Variants in NPEPPS observed in about 807,000 individuals in gnomAD.
NPEPPS encodes the protein aminopeptidase puromycin sensitive.
In NPEPPS, 14 loss-of-function variants were observed where a neutral mutation model predicts 115.5. The ratio of observed to expected loss-of-function variants is 0.12; its 90% CI spans 0.08 to 0.19. The LOEUF (loss-of-function observed/expected upper bound fraction) is 0.19. Among genes scored for constraint, NPEPPS ranks in the 10% least tolerant of loss-of-function variants. The pLI is 1.00. For synonymous variants in NPEPPS, 285 were observed against 390.6 expected (o/e 0.73, Z 3.19); for missense variants, 523 against 1,110.8 (o/e 0.47, Z 7.52).
chr17:47,555,677 A>C (rs1167810791), intron 2 of NPEPPS, among the ~76,000 whole-genome samples: 1 of 151,768 alleles, frequency 6.6e-6, no homozygotes. Flanking sequence ...TGAAGCTGGA[A>C]GAGTTAGTTG....
chr17:47,616,880 G>A (rs1473518081), intron 19 of NPEPPS, among the ~76,000 whole-genome samples: 1 of 149,784 alleles, frequency 6.7e-6, no homozygotes, highest in African/African-American at 2.4e-5. Context: ...AAAAAAAAGT[G>A]TCGAAAGGAA....
intron 2 of NPEPPS, among the ~76,000 whole-genome samples, chr17:47,547,749 G>A (rs915409177): frequency 1.3e-5 from 2 of 152,082 alleles, no homozygotes; most frequent in African/African-American, 2.4e-5. Flanking sequence ...ATTTACGGCC[G>A]GGCGCGGTGG....
intron 3 of NPEPPS, among the ~76,000 whole-genome samples, chr17:47,577,890 T>A (rs1353724237): frequency 6.6e-6 from 1 of 152,142 alleles, no homozygotes; most frequent in Non-Finnish European, 1.5e-5. Flanking sequence ...AGATGAAGAT[T>A]TGACTTTGAG....
intron 2 of NPEPPS, among the ~76,000 whole-genome samples, chr17:47,547,077 G>T (rs554281180): frequency 6.6e-6 from 1 of 152,064 alleles, no homozygotes; most frequent in Admixed American, 6.5e-5. Flanking sequence ...CTAATTCGGA[G>T]AAAAACATTT....
chr17:47,596,719 GT>G (rs1457778009), intron 13 of NPEPPS, among the ~76,000 whole-genome samples: 1 of 152,182 alleles, frequency 6.6e-6, no homozygotes, highest in African/African-American at 2.4e-5. Flanking sequence ...ACCAAATATG[GT>G]TTATTCTACA....
At position 47,622,737 on chromosome 17, in the gene NPEPPS, T is replaced by C; in HGVS notation, c.*817T>C. On this transcript the variant is annotated 3_prime_UTR_variant, in exon 23 of 23. Transcript: ENST00000322157. ...TTATTTTTTTCTTTTTAAAGATGAC[T>C]TATAAGAACCCTGAAATTTATATAG... 1 of 399,154 alleles carries C rather than the reference T, an allele frequency of 2.5e-6. No homozygotes were observed. Among genetic ancestry groups the C allele is most frequent in the Non-Finnish European group, 4.7e-6 (1 of 210,624 alleles). The allele number at this position is 399,154 out of a possible 1,614,324, so 24.7% of individuals were successfully genotyped here.
intron 19 of NPEPPS, among the ~76,000 whole-genome samples, chr17:47,616,924 C>A (rs945451818): frequency 6.6e-6 from 1 of 150,480 alleles, no homozygotes; most frequent in African/African-American, 2.4e-5. Context: ...GGTCTCCAGA[C>A]ACTCTGGTCA....
At chr17:47,527,406 C>T (rs1456368141), upstream of NPEPPS, among the ~76,000 whole-genome samples, 5 of 151,760 alleles carry the variant, frequency 3.3e-5, no homozygotes, top group Non-Finnish European at 7.4e-5. Context: ...ATTGCTTGAA[C>T]CCAGGAGGTG....
intron 2 of NPEPPS, among the ~76,000 whole-genome samples, chr17:47,550,085 C>G (rs1157497093): frequency 2.0e-5 from 3 of 151,270 alleles, no homozygotes; most frequent in Non-Finnish European, 4.4e-5. Context: ...TAGGCGCACG[C>G]TGCCACGCCC....
intron 12 of NPEPPS, among the ~76,000 whole-genome samples, chr17:47,593,283 C>T (rs1171870140): frequency 2.6e-5 from 4 of 152,252 alleles, no homozygotes; most frequent in South Asian, 2.1e-4. Flanking sequence ...GAGTCTGGGC[C>T]GGGTGTGGTG....
chr17:47,533,427 G>A (rs1907967373), intron 1 of NPEPPS, among the ~76,000 whole-genome samples: 1 of 151,898 alleles, frequency 6.6e-6, no homozygotes, highest in Non-Finnish European at 1.5e-5. Flanking sequence ...GTAAACAGTA[G>A]TGTGTCTTGT....
chr17:47,584,931 C>G (rs1912094870), intron 5 of NPEPPS, among the ~76,000 whole-genome samples: 1 of 152,138 alleles, frequency 6.6e-6, no homozygotes, highest in Non-Finnish European at 1.5e-5. Context: ...TAGTTCACGA[C>G]ATTCTCCTGC....
chr17:47,569,296 T>C, intron 2 of NPEPPS, 121 bp from the exon 3 acceptor site: 1 of 643,146 alleles, frequency 1.6e-6, no homozygotes, highest in Non-Finnish European at 2.8e-6. Context: ...AATAGGAACT[T>C]AATTCACCAA....
intron 17 of NPEPPS, among the ~76,000 whole-genome samples, chr17:47,609,044 A>G (rs1271576440): frequency 6.6e-6 from 1 of 150,926 alleles, no homozygotes; most frequent in East Asian, 2.0e-4. Flanking sequence ...GAAAAGGGGT[A>G]GATGAGAGAG....
intron 3 of NPEPPS, among the ~76,000 whole-genome samples, chr17:47,572,245 T>C (rs1289779776): frequency 6.6e-6 from 1 of 152,044 alleles, no homozygotes; most frequent in Non-Finnish European, 1.5e-5. Flanking sequence ...TGAGACCCTG[T>C]CTCTATAAAA....
At chr17:47,615,572 A>G (rs1310703821) in intron 19 of NPEPPS, among the ~76,000 whole-genome samples, 1 of 152,142 alleles carries the variant, frequency 6.6e-6, no homozygotes, top group African/African-American at 2.4e-5. Context: ...AGACCCTAAA[A>G]AAAGTTAAAT....
chr17:47,587,833 A>G (rs1034389375), intron 9 of NPEPPS, among the ~76,000 whole-genome samples: 8 of 151,792 alleles, frequency 5.3e-5, no homozygotes, highest in Admixed American at 3.3e-4. Flanking sequence ...AAAAGTAAAC[A>G]AACTGCAGAG....
intron 1 of NPEPPS, among the ~76,000 whole-genome samples, chr17:47,534,119 T>G (rs572424310): frequency 1.3e-5 from 2 of 151,704 alleles, no homozygotes; most frequent in South Asian, 4.2e-4. Context: ...TGAGATGGAG[T>G]CTCGCTCTGT....
chr17:47,552,374 TAAAG>T (rs1274242556), intron 2 of NPEPPS, among the ~76,000 whole-genome samples: 1 of 152,188 alleles, frequency 6.6e-6, no homozygotes, highest in Non-Finnish European at 1.5e-5. Flanking sequence ...TGGAGCCAAA[TAAAG>T]AAATGTCAGC....
Sources: allele counts gnomAD v4.1 joint callset (sites outside exome capture counted in the v4.1 genomes callset), GRCh38; gene constraint gnomAD v4.1.1; transcripts MANE v1.5; gene names NCBI Gene and HGNC (gene_info 2026-07-23, HGNC 2026-07-21).